MRPS23: variants seen among roughly 807,000 people sequenced by gnomAD.
The protein encoded by MRPS23 is small ribosomal subunit protein mS23.
Under a neutral mutation model 19.8 loss-of-function variants are expected in MRPS23, and 14 were observed. The ratio of observed to expected loss-of-function variants is 0.71; its 90% CI spans 0.47 to 1.11. The LOEUF (loss-of-function observed/expected upper bound fraction) is 1.11, where lower values mean the gene tolerates loss of function less well. Among genes scored for constraint, MRPS23 ranks in the 50% least tolerant of loss-of-function variants. The pLI, the probability that MRPS23 is intolerant of heterozygous loss-of-function variation, is 0.00. For missense variants in MRPS23, 242 were observed against 236.7 expected (o/e 1.02, Z -0.15); for synonymous variants, 113 against 89.7 (o/e 1.26, Z -1.47).
At position 57,849,257 on chromosome 17, in the gene MRPS23, G is replaced by A. The variant is rs1421167607; in HGVS notation, c.198C>T (p.His66=). The change falls in exon 2 of 5, where the codon CAC becomes CAT. Residue 66 remains histidine (H), a synonymous_variant. Transcript: ENST00000313608. ...GCACTCACGCTCTAATCCGATCCTC[G>A]TGGTACCAGATGTCTTGGATGGGAG... ...AKAPIQDIWY[H]EDRIRAKFYS... is the part of the protein sequence containing the mutation. 6.2e-7 allele frequency: 1 copy of A among 1,614,176 alleles called. No individual in the cohort carries two copies. Among genetic ancestry groups the A allele is most frequent in the Admixed American group, 1.7e-5 (1 of 60,024 alleles).
intron 4 of MRPS23, 98 bp from the exon 5 acceptor site, chr17:57,840,033 A>C: frequency 7.3e-7 from 1 of 1,377,648 alleles, no homozygotes; most frequent in Non-Finnish European, 1.0e-6. Context: ...CACTGAGTGA[A>C]AAATTTAGCA....
chr17:57,841,901 C>T (rs1202583384), intron 2 of MRPS23, among the ~76,000 whole-genome samples: 3 of 152,106 alleles, frequency 2.0e-5, no homozygotes, highest in African/African-American at 7.2e-5. Context: ...AAGTGGAGAG[C>T]GCACCATTGC....
intron 2 of MRPS23, among the ~76,000 whole-genome samples, chr17:57,846,418 C>T (rs2073776111): frequency 6.6e-6 from 1 of 152,176 alleles, no homozygotes; most frequent in Non-Finnish European, 1.5e-5. Context: ...GGGAGGAGTA[C>T]CCAACAGCTC....
chr17:57,847,753 G>A (rs1043243073), intron 2 of MRPS23, among the ~76,000 whole-genome samples: 1 of 149,854 alleles, frequency 6.7e-6, no homozygotes, highest in African/African-American at 2.5e-5. Context: ...CTGGAGTGCA[G>A]TGGTGCACTC....
intron 2 of MRPS23, among the ~76,000 whole-genome samples, chr17:57,845,895 T>C (rs549325860): frequency 6.6e-6 from 1 of 152,296 alleles, no homozygotes; most frequent in African/African-American, 2.4e-5. Context: ...CAAGAATGAA[T>C]TTGACAATGC....
rs2073705612 is a variant in MRPS23 at position 57,836,271 on chromosome 17, A to G, written c.*3512T>C. 6.6e-6 allele frequency: 1 copy of G among 152,104 alleles called. No homozygotes were observed. The highest frequency in any genetic ancestry group is 2.4e-5 in the African/African-American group (1 of 41,390). The allele number at this position is 152,104 out of a possible 1,614,324, so 9.4% of individuals were successfully genotyped here. A position where few individuals can be genotyped will look rare whatever the true frequency, so the allele number is the denominator to read the frequency against. ...CACCCTATACTCTTAATAGGTAAAT[A>G]ATCATTACTACTTGAATGAAGGCCA... On this transcript the variant is annotated 3_prime_UTR_variant, in exon 5 of 5. Transcript: ENST00000313608.
intron 2 of MRPS23, among the ~76,000 whole-genome samples, chr17:57,844,775 C>CAAA (rs570457265): frequency 1.0e-5 from 1 of 99,026 alleles, no homozygotes; most frequent in Non-Finnish European, 2.1e-5. Context: ...GACTCCATCT[C>CAAA]AAAAAAAAAA....
At chr17:57,849,567 T>A (rs1266043942) in intron 1 of MRPS23, among the ~76,000 whole-genome samples, 157 bp from the exon 2 acceptor site, 1 of 152,074 alleles carries the variant, frequency 6.6e-6, no homozygotes, top group Non-Finnish European at 1.5e-5. Context: ...TCTGTCCACA[T>A]CCCAAACCAA....
At position 57,841,232 on chromosome 17, in the gene MRPS23, G is replaced by T; in HGVS notation, c.244C>A (p.Gln82Lys). The change falls in exon 3 of 5, where the codon CAA (glutamine) becomes AAA (lysine). Residue 82 changes from glutamine (Q) to lysine (K), a missense_variant. Gln to Lys is a moderately conservative substitution (Grantham distance 53). Transcript: ENST00000313608. Reference sequence around the variant, plus strand: ...GGATTGAATAGATCAAAAGCTCTTTGACCAGACCCATACACTGAATAAAAC... The same window carrying T: ...GGATTGAATAGATCAAAAGCTCTTTTACCAGACCCATACACTGAATAAAAC... ...AKFYSVYGSG[Q>K]RAFDLFNPNF... is the part of the protein sequence containing the mutation. 6.2e-7 allele frequency: 1 copy of T among 1,614,046 alleles called. No homozygotes were observed. The highest frequency in any genetic ancestry group is 1.1e-5 in the South Asian group (1 of 91,060).
In MRPS23 at chr17:57,835,387, G is replaced by A. The variant is rs1458064861; in HGVS notation, c.*4396C>T. On this transcript the variant is annotated 3_prime_UTR_variant, in exon 5 of 5. Transcript: ENST00000313608. ...ACCTTGGACTTGCTGCCTCCTTTTTGGTCCCTCTGACATGTCTCCTCTTTC... is the reference window on the plus strand; with the variant it reads ...ACCTTGGACTTGCTGCCTCCTTTTTAGTCCCTCTGACATGTCTCCTCTTTC... 6.6e-6 allele frequency: 1 copy of A among 152,160 alleles called. No homozygotes were observed. Among genetic ancestry groups the A allele is most frequent in the African/African-American group, 2.4e-5 (1 of 41,372 alleles). 9.4% of individuals were successfully genotyped at this position (152,160 alleles called of 1,614,324 possible).
chr17:57,847,429 G>A (rs1002911552), intron 2 of MRPS23, among the ~76,000 whole-genome samples: 21 of 151,126 alleles, frequency 1.4e-4, no homozygotes, highest in Admixed American at 9.9e-4. Flanking sequence ...TTGGGAGGCC[G>A]AGGCAGGCGG....
At chr17:57,848,789 A>AC (rs2073792876) in intron 2 of MRPS23, 1 of 147,300 alleles carries the variant, frequency 6.8e-6, no homozygotes, top group Admixed American at 6.9e-5. Flanking sequence ...CATAATGATC[A>AC]CCATAAGCTT....
In MRPS23 at chr17:57,836,354, C is replaced by T. The variant is rs1330161353; in HGVS notation, c.*3429G>A. 1 of 152,142 alleles carries T rather than the reference C, an allele frequency of 6.6e-6. No individual in the cohort carries two copies. Among genetic ancestry groups the T allele is most frequent in the Non-Finnish European group, 1.5e-5 (1 of 68,032 alleles). 9.4% of individuals were successfully genotyped at this position (152,142 alleles called of 1,614,324 possible). On this transcript the variant is annotated 3_prime_UTR_variant, in exon 5 of 5. Transcript: ENST00000313608. Reference sequence around the variant, plus strand: ...CAGGTAGACCAACAGCAGTGAAGCACCTTATGAACACAATCTGTAGGGGGT... The same window carrying T: ...CAGGTAGACCAACAGCAGTGAAGCATCTTATGAACACAATCTGTAGGGGGT...
rs1438250852 is a variant in MRPS23, at chr17:57,835,313, A to C, written c.*4470T>G. ...AGGAGAGCACCAGTTCCACGTCACCAACTGGGTGTTAGTGATGCTGCTAAG... is the reference window on the plus strand; with the variant it reads ...AGGAGAGCACCAGTTCCACGTCACCCACTGGGTGTTAGTGATGCTGCTAAG... On this transcript the variant is annotated 3_prime_UTR_variant, in exon 5 of 5. Transcript: ENST00000313608. The C allele has an allele frequency of 6.6e-6, 1 of 152,216 alleles. No individual in the cohort carries two copies. Among genetic ancestry groups the C allele is most frequent in the East Asian group, 1.9e-4 (1 of 5,196 alleles). 9.4% of individuals were successfully genotyped at this position (152,216 alleles called of 1,614,324 possible).
rs1025430215 is a variant in MRPS23 at position 57,836,216 on chromosome 17, A to C, written c.*3567T>G. On this transcript the variant is annotated 3_prime_UTR_variant, in exon 5 of 5. Coordinates refer to ENST00000313608, the MANE Select transcript of MRPS23 (RefSeq NM_016070.4). Reference sequence around the variant, plus strand: ...GTGATCTACCCATCTTGACTTCCCAAAGTGCTGGGATTACATGAGCCACCA... The same window carrying C: ...GTGATCTACCCATCTTGACTTCCCACAGTGCTGGGATTACATGAGCCACCA... 2 of 152,056 alleles carry C rather than the reference A, an allele frequency of 1.3e-5. No homozygotes were observed. The highest frequency in any genetic ancestry group is 4.8e-5 in the African/African-American group (2 of 41,386). The allele number at this position is 152,056 out of a possible 1,614,324, so 9.4% of individuals were successfully genotyped here.
intron 2 of MRPS23, 187 bp downstream of exon 2, chr17:57,849,053 G>C (rs1418047509): frequency 1.7e-5 from 12 of 693,680 alleles, no homozygotes; most frequent in African/African-American, 9.0e-5. Context: ...CTGGGCTCCA[G>C]ATTCCACTTT....
At chr17:57,847,332 A>G (rs1164562006) in intron 2 of MRPS23, among the ~76,000 whole-genome samples, 1 of 148,860 alleles carries the variant, frequency 6.7e-6, no homozygotes, top group Non-Finnish European at 1.5e-5. Flanking sequence ...AACCATTAGG[A>G]GCACATTTTC....
intron 2 of MRPS23, among the ~76,000 whole-genome samples, chr17:57,843,111 C>CA (rs533764991): frequency 6.6e-6 from 1 of 151,074 alleles, no homozygotes. Flanking sequence ...ACCATCTCTA[C>CA]AAAAAAAATT....
intron 2 of MRPS23, among the ~76,000 whole-genome samples, chr17:57,843,873 A>G (rs1243381776): frequency 2.0e-5 from 3 of 152,218 alleles, no homozygotes; most frequent in African/African-American, 7.2e-5. Context: ...TTGTCATAAC[A>G]TTGCAAAGAT....
Sources: allele counts gnomAD v4.1 joint callset (sites outside exome capture counted in the v4.1 genomes callset), GRCh38; gene constraint gnomAD v4.1.1; transcripts MANE v1.5; gene names NCBI Gene and HGNC (gene_info 2026-07-23, HGNC 2026-07-21).